The following HNRNPC variants were observed in gnomAD, a reference collection of about 807,000 sequenced individuals.
The protein encoded by HNRNPC is heterogeneous nuclear ribonucleoproteins C1/C2.
In HNRNPC, 3 loss-of-function variants were observed where a neutral mutation model predicts 33.2. The observed-to-expected ratio is 0.09, with a 90% CI of 0.04 to 0.23. HNRNPC has a LOEUF of 0.23. HNRNPC is among the 10% of genes least tolerant of loss of function. HNRNPC has a pLI of 1.00. For missense variants in HNRNPC, 143 were observed against 366.7 expected, an observed-to-expected ratio of 0.39 and a Z score of 4.98; for synonymous variants, 121 against 126.7, an observed-to-expected ratio of 0.96 and a Z score of 0.30.
intron 5 of HNRNPC, among the ~76,000 whole-genome samples, chr14:21,219,132 A>T (rs1364201795): frequency 6.6e-6 from 1 of 151,670 alleles, no homozygotes; most frequent in Non-Finnish European, 1.5e-5. Context: ...AAAGAAGAAA[A>T]AGAAAGGGGA....
chr14:21,249,177 T>A (rs1252151777), intron 2 of HNRNPC, among the ~76,000 whole-genome samples: 3 of 152,124 alleles, frequency 2.0e-5, no homozygotes, highest in Non-Finnish European at 4.4e-5. Flanking sequence ...AACTTAGTCA[T>A]CATGATACAC....
chr14:21,242,690 A>C, intron 2 of HNRNPC, among the ~76,000 whole-genome samples: 1 of 152,170 alleles, frequency 6.6e-6, no homozygotes. Flanking sequence ...CTCAACCTAA[A>C]CTAAGGGATC....
intron 5 of HNRNPC, chr14:21,213,440 A>G: frequency 4.3e-6 from 1 of 229,976 alleles, no homozygotes; most frequent in East Asian, 1.0e-4. Context: ...TTAACAGGGC[A>G]TTTATTATAA....
At chr14:21,221,317 G>T (rs1354809576) in intron 5 of HNRNPC, among the ~76,000 whole-genome samples, 1 of 152,106 alleles carries the variant, frequency 6.6e-6, no homozygotes, top group Non-Finnish European at 1.5e-5. Flanking sequence ...CACAACTCTA[G>T]ACTTATTCTA....
intron 4 of HNRNPC, chr14:21,230,659 A>AC: frequency 2.0e-6 from 1 of 494,276 alleles, no homozygotes; most frequent in South Asian, 3.1e-5. Context: ...CTTATACCAC[A>AC]CTTCTACCCT....
intron 2 of HNRNPC, among the ~76,000 whole-genome samples, chr14:21,250,281 T>C (rs896791880): frequency 2.6e-5 from 4 of 151,964 alleles, no homozygotes; most frequent in Non-Finnish European, 5.9e-5. Flanking sequence ...CACATTTAAA[T>C]ACTTAGGGGT....
chr14:21,212,706 C>T (rs573731835), intron 6 of HNRNPC, among the ~76,000 whole-genome samples: 2 of 152,170 alleles, frequency 1.3e-5, no homozygotes, highest in Admixed American at 1.3e-4. Flanking sequence ...CCATCCCCGG[C>T]AAATTTTTTG....
chr14:21,241,436 T>C (rs1236580199), intron 2 of HNRNPC, among the ~76,000 whole-genome samples: 1 of 152,152 alleles, frequency 6.6e-6, no homozygotes, highest in African/African-American at 2.4e-5. Context: ...AGTTGTCAAT[T>C]TTCTAAAAGG....
intron 2 of HNRNPC, among the ~76,000 whole-genome samples, chr14:21,260,988 GTC>G (rs1878144710): frequency 6.7e-6 from 1 of 149,424 alleles, no homozygotes; most frequent in Non-Finnish European, 1.5e-5. Context: ...AAAAGATGGG[GTC>G]TCATTATGTT....
chr14:21,232,744 A>C (rs1186003641), intron 3 of HNRNPC, among the ~76,000 whole-genome samples: 1 of 152,178 alleles, frequency 6.6e-6, no homozygotes, highest in Non-Finnish European at 1.5e-5. Context: ...ACCAACTGAA[A>C]ACTGACTCAG....
At chr14:21,260,012 A>G (rs1031533944) in intron 2 of HNRNPC, among the ~76,000 whole-genome samples, 2 of 150,186 alleles carry the variant, frequency 1.3e-5, no homozygotes, top group Admixed American at 1.3e-4. Context: ...ATCCCGGCTA[A>G]AACGGTGAAA....
chr14:21,218,677 CTCT>C, intron 5 of HNRNPC, among the ~76,000 whole-genome samples: 2 of 45,570 alleles, frequency 4.4e-5, no homozygotes, highest in South Asian at 1.2e-3. Flanking sequence ...GCGAAACTCT[CTCT>C]CAAAAAAAAA....
chr14:21,258,645 T>A (rs1035858713), intron 2 of HNRNPC, among the ~76,000 whole-genome samples: 1 of 152,194 alleles, frequency 6.6e-6, no homozygotes, highest in African/African-American at 2.4e-5. Flanking sequence ...TTGGACATAG[T>A]CAAGTGTTTA....
intron 2 of HNRNPC, among the ~76,000 whole-genome samples, chr14:21,258,175 G>A (rs1226763321): frequency 6.6e-6 from 1 of 152,062 alleles, no homozygotes; most frequent in Non-Finnish European, 1.5e-5. Flanking sequence ...GGCGGATCAC[G>A]AGGTCAGGAT....
chr14:21,226,361 A>G (rs1893443575), intron 5 of HNRNPC, among the ~76,000 whole-genome samples: 1 of 151,306 alleles, frequency 6.6e-6, no homozygotes, highest in South Asian at 2.1e-4. Context: ...AAAGAATAGT[A>G]CCAGGGTAGC....
At position 21,235,561 on chromosome 14, in the gene HNRNPC, GTA is replaced by G. The variant is rs138136428; in HGVS notation, c.-36-1334_-36-1333del. 4.4e-3 allele frequency among the ~76,000 whole-genome samples: 663 copies of G among 152,214 alleles called. 5 individuals are homozygous for G. The highest frequency in any genetic ancestry group is 0.015 in the African/African-American group (641 of 41,536). On this transcript the variant is annotated intron_variant, in intron 2 of 8. Transcript: ENST00000553300. ...AAGTCTGTCTTTGTTACTTTCTAAA[GTA>G]TATCTTTACAAAAACTTCTTAATAT...
intron 2 of HNRNPC, among the ~76,000 whole-genome samples, chr14:21,262,137 G>C (rs1878351249): frequency 6.6e-6 from 1 of 152,150 alleles, no homozygotes; most frequent in African/African-American, 2.4e-5. Context: ...AAGCCCTCCA[G>C]TGAGACAGCA....
Position 21,210,514 on chromosome 14 carries a change from C to T in HNRNPC, c.*709G>A, listed in dbSNP as rs1594184605. On this transcript the variant is annotated 3_prime_UTR_variant, in exon 9 of 9. Transcript: ENST00000553300. ...GCTGTAAAACAAAGTTTGAAGTAAACAATAATAAAATACAAAAATAAAAAA... is the reference window on the plus strand; with the variant it reads ...GCTGTAAAACAAAGTTTGAAGTAAATAATAATAAAATACAAAAATAAAAAA... 3.3e-5 allele frequency: 5 copies of T among 150,878 alleles called. No individual in the cohort carries two copies. Among genetic ancestry groups the T allele is most frequent in the Admixed American group, 3.3e-4 (5 of 15,102 alleles). The allele number at this position is 150,878 out of a possible 1,614,324, so 9.3% of individuals were successfully genotyped here. A position where few individuals can be genotyped will look rare whatever the true frequency, so the allele number is the denominator to read the frequency against.
At chr14:21,262,987 G>GT (rs1878472819) in intron 2 of HNRNPC, 1 of 152,118 alleles carries the variant, frequency 6.6e-6, no homozygotes, top group South Asian at 2.1e-4. Context: ...ATTCTTTTCA[G>GT]TGTGGGGAAG....
Sources: gnomAD v4.1 joint callset for allele counts (sites outside exome capture counted in the v4.1 genomes callset) on GRCh38, gnomAD v4.1.1 for gene constraint, MANE v1.5 for transcripts, NCBI Gene and HGNC (gene_info 2026-07-23, HGNC 2026-07-21) for gene names.